The following PDE4D variants were observed in gnomAD, a reference collection of about 807,000 sequenced individuals.
PDE4D encodes the protein phosphodiesterase 4D.
Under a neutral mutation model 87.4 loss-of-function variants are expected in PDE4D, and 24 were observed. The observed-to-expected ratio is 0.27, with a 90% confidence interval of 0.20 to 0.39. The LOEUF (loss-of-function observed/expected upper bound fraction) is 0.39. PDE4D is among the 10% of genes least tolerant of loss of function. The pLI, the probability that PDE4D is intolerant of heterozygous loss-of-function variation, is 1.00. For synonymous variants in PDE4D, 384 were observed against 383.2 expected, an observed-to-expected ratio of 1.00 and a Z score of -0.02; for missense variants, 714 against 1,041.0, an observed-to-expected ratio of 0.69 and a Z score of 4.32.
intron 1 of PDE4D, among the ~76,000 whole-genome samples, chr5:59,727,600 G>A (rs779475973): frequency 2.0e-5 from 3 of 152,076 alleles, no homozygotes; most frequent in Non-Finnish European, 4.4e-5. Flanking sequence ...GAGATCCTCA[G>A]AACAGCTACT....
chr5:59,394,778 G>A (rs990006632), intron 1 of PDE4D, among the ~76,000 whole-genome samples: 11 of 152,182 alleles, frequency 7.2e-5, no homozygotes, highest in East Asian at 1.9e-4. Flanking sequence ...CAGCCTGAGC[G>A]ACGCAGAAGA....
intron 1 of PDE4D, among the ~76,000 whole-genome samples, chr5:59,747,419 CTTG>C (rs1266172857): frequency 4.6e-5 from 7 of 152,114 alleles, no homozygotes; most frequent in African/African-American, 1.7e-4. Flanking sequence ...TCAAACCGTG[CTTG>C]TTGTGGCCTA....
intron 1 of PDE4D, among the ~76,000 whole-genome samples, chr5:60,312,525 G>A (rs1193957411): frequency 1.3e-5 from 2 of 152,190 alleles, no homozygotes; most frequent in South Asian, 2.1e-4. Context: ...GCAAAGGAAA[G>A]GCAGGCACCT....
intron 1 of PDE4D, among the ~76,000 whole-genome samples, chr5:60,483,173 G>T (rs61540111): frequency 0.013 from 1,944 of 152,106 alleles, 42 homozygotes; most frequent in African/African-American, 0.044. Context: ...CTGGGGGTGG[G>T]TGGGGGACAG....
chr5:59,387,858 T>C (rs895766844), intron 1 of PDE4D, among the ~76,000 whole-genome samples: 19 of 152,264 alleles, frequency 1.2e-4, no homozygotes, highest in African/African-American at 4.6e-4. Context: ...TTGTTAACTA[T>C]AGTCACCCTG....
chr5:59,157,332 A>T (rs1780401021), intron 5 of PDE4D: 1 of 702,520 alleles, frequency 1.4e-6, no homozygotes, highest in East Asian at 2.7e-5. Context: ...CATGTCAAGT[A>T]ACGTATATGG....
intron 1 of PDE4D, among the ~76,000 whole-genome samples, chr5:59,571,422 C>T: frequency 6.6e-6 from 1 of 152,142 alleles, no homozygotes; most frequent in East Asian, 1.9e-4. Flanking sequence ...AGAAAGCACG[C>T]AACCCAAATT....
intron 1 of PDE4D, among the ~76,000 whole-genome samples, chr5:59,598,311 T>TCC (rs1826998253): frequency 6.6e-6 from 1 of 152,080 alleles, no homozygotes; most frequent in Non-Finnish European, 1.5e-5. Context: ...TCACTGACCC[T>TCC]CCCTTTCCCT....
chr5:59,634,097 T>C (rs949134352), intron 1 of PDE4D, among the ~76,000 whole-genome samples: 1 of 151,940 alleles, frequency 6.6e-6, no homozygotes. Context: ...TAGTCTCTGA[T>C]AAAACAGACT....
chr5:59,215,669 T>C, intron 2 of PDE4D, 108 bp downstream of exon 2: 1 of 892,924 alleles, frequency 1.1e-6, no homozygotes, highest in Non-Finnish European at 1.8e-6. Flanking sequence ...TCTTTCTACA[T>C]TGGAGGAGAG....
intron 1 of PDE4D, among the ~76,000 whole-genome samples, chr5:59,580,236 A>T (rs1250159492): frequency 1.3e-5 from 2 of 152,206 alleles, no homozygotes; most frequent in African/African-American, 4.8e-5. Context: ...CCCTAGCAAT[A>T]GATATATGAA....
chr5:59,852,340 T>C (rs547720298), intron 1 of PDE4D, among the ~76,000 whole-genome samples: 8 of 152,100 alleles, frequency 5.3e-5, no homozygotes, highest in Admixed American at 1.3e-4. Flanking sequence ...GTGTGACTTT[T>C]GAGGCTCTAT....
intron 1 of PDE4D, chr5:59,275,194 T>A (rs1235366585): frequency 8.2e-6 from 5 of 609,286 alleles, no homozygotes; most frequent in African/African-American, 1.9e-5. Context: ...AGCACATGAG[T>A]TTGGGAACAA....
chr5:60,238,847 A>G lies in PDE4D; in HGVS notation c.-89-53160T>C, dbSNP rs539151663. 6.6e-5 allele frequency among the ~76,000 whole-genome samples: 10 copies of G among 152,176 alleles called. No homozygotes were observed. In the South Asian group the frequency reaches 1.2e-3, roughly 19 times the overall value. Reference sequence around the variant, plus strand: ...TATTCAAAAATGTTTGTTTTAATATATTCAACCTATTATTATTTTTCTTTA... The same window carrying G: ...TATTCAAAAATGTTTGTTTTAATATGTTCAACCTATTATTATTTTTCTTTA... On this transcript the variant is annotated intron_variant, in intron 1 of 16. Transcript: ENST00000502484.
At chr5:60,362,547 G>A (rs1333604193) in intron 1 of PDE4D, among the ~76,000 whole-genome samples, 2 of 152,128 alleles carry the variant, frequency 1.3e-5, no homozygotes, top group Admixed American at 6.6e-5. Context: ...ATGTCTTAGG[G>A]TACAGATAAG....
intron 2 of PDE4D, among the ~76,000 whole-genome samples, chr5:60,107,209 A>G (rs1582689413): frequency 6.6e-6 from 1 of 152,242 alleles, no homozygotes; most frequent in East Asian, 1.9e-4. Flanking sequence ...ACAAACTACC[A>G]TTAGAGAATA....
chr5:60,322,801 G>T (rs1438610239), intron 1 of PDE4D, among the ~76,000 whole-genome samples: 1 of 151,992 alleles, frequency 6.6e-6, no homozygotes, highest in Non-Finnish European at 1.5e-5. Context: ...TGTTCTCATT[G>T]CATCCAATTT....
At chr5:59,068,085 G>T (rs946203356) in intron 5 of PDE4D, among the ~76,000 whole-genome samples, 8 of 152,134 alleles carry the variant, frequency 5.3e-5, no homozygotes, top group Admixed American at 2.0e-4. Flanking sequence ...GCTTAAAACT[G>T]CCTATTTGAG....
intron 1 of PDE4D, among the ~76,000 whole-genome samples, chr5:59,345,017 G>A (rs1241428119): frequency 1.3e-5 from 2 of 151,912 alleles, no homozygotes; most frequent in African/African-American, 4.8e-5. Context: ...TCAGTTATGG[G>A]GAGCTTTGGA....
Sources: allele counts gnomAD v4.1 joint callset (sites outside exome capture counted in the v4.1 genomes callset), GRCh38; gene constraint gnomAD v4.1.1; transcripts MANE v1.5; gene names NCBI Gene and HGNC (gene_info 2026-07-23, HGNC 2026-07-21).